Variants in TRDN observed in about 807,000 individuals in gnomAD.
TRDN encodes the protein triadin, also known as triadin in skeletal muscle.
In TRDN, 161 loss-of-function variants were observed where a neutral mutation model predicts 149.7. The observed-to-expected ratio is 1.08, with a 90% CI of 0.95 to 1.23. The LOEUF is 1.23. Among genes scored for constraint, TRDN ranks in the 50% most tolerant of loss-of-function variants. TRDN has a pLI of 0.00. For synonymous variants in TRDN, 294 were observed against 250.5 expected (o/e 1.17, Z -1.64); for missense variants, 896 against 823.5 (o/e 1.09, Z -1.08).
chr6:123,491,332 A>G (rs1316912821), intron 9 of TRDN, among the ~76,000 whole-genome samples: 1 of 152,192 alleles, frequency 6.6e-6, no homozygotes, highest in East Asian at 1.9e-4. Flanking sequence ...TGAAATTGGT[A>G]TCTGCAAGAT....
chr6:123,620,418 T>C (rs568296192), intron 1 of TRDN, among the ~76,000 whole-genome samples: 3 of 152,272 alleles, frequency 2.0e-5, no homozygotes, highest in African/African-American at 7.2e-5. Flanking sequence ...ATAAAACTTA[T>C]TCGGAATTTT....
intron 12 of TRDN, among the ~76,000 whole-genome samples, chr6:123,401,028 G>A (rs9401669): frequency 0.72 from 108,826 of 152,058 alleles, 39,099 homozygotes; most frequent in East Asian, 0.85. Context: ...GTTATTGCGT[G>A]AAAAAGTGAA....
chr6:123,576,319 A>G (rs1782856980), intron 1 of TRDN, among the ~76,000 whole-genome samples: 1 of 152,126 alleles, frequency 6.6e-6, no homozygotes, highest in South Asian at 2.1e-4. Flanking sequence ...AATGTAAACT[A>G]GTCTCTGGAC....
At chr6:123,597,883 T>A (rs1784110265) in intron 1 of TRDN, among the ~76,000 whole-genome samples, 2 of 152,158 alleles carry the variant, frequency 1.3e-5, no homozygotes, top group Non-Finnish European at 2.9e-5. Context: ...TGATTTGTTT[T>A]AATGAGATAA....
chr6:123,368,463 A>G (rs1781198999), intron 19 of TRDN, among the ~76,000 whole-genome samples: 1 of 152,234 alleles, frequency 6.6e-6, no homozygotes, highest in African/African-American at 2.4e-5. Flanking sequence ...TGATATTCAG[A>G]TATCTGGAGT....
chr6:123,595,304 A>G (rs1301354972), intron 1 of TRDN, among the ~76,000 whole-genome samples: 1 of 152,086 alleles, frequency 6.6e-6, no homozygotes, highest in African/African-American at 2.4e-5. Flanking sequence ...TCCCTATGAA[A>G]CAGGATTTTA....
intron 6 of TRDN, among the ~76,000 whole-genome samples, chr6:123,513,204 G>T (rs1054067675): frequency 6.6e-6 from 1 of 152,054 alleles, no homozygotes; most frequent in Non-Finnish European, 1.5e-5. Flanking sequence ...TTGGGATTAT[G>T]GGTAATAGAT....
At chr6:123,472,888 CT>C (rs1777258887) in intron 9 of TRDN, among the ~76,000 whole-genome samples, 1 of 152,166 alleles carries the variant, frequency 6.6e-6, no homozygotes, top group African/African-American at 2.4e-5. Flanking sequence ...AGGGTCCTGT[CT>C]GTTAGAAGGA....
intron 10 of TRDN, among the ~76,000 whole-genome samples, chr6:123,449,687 C>T (rs1390676937): frequency 6.6e-6 from 1 of 152,242 alleles, no homozygotes; most frequent in East Asian, 1.9e-4. Context: ...TTGCTAGAGA[C>T]TTAGACATCC....
At chr6:123,544,604 A>T (rs1447065907) in intron 4 of TRDN, among the ~76,000 whole-genome samples, 3 of 151,860 alleles carry the variant, frequency 2.0e-5, no homozygotes, top group Admixed American at 6.6e-5. Context: ...ACAACAAATA[A>T]TTTTTTCCGA....
chr6:123,383,110 T>A (rs1183670164), intron 14 of TRDN, among the ~76,000 whole-genome samples: 1 of 152,094 alleles, frequency 6.6e-6, no homozygotes, highest in African/African-American at 2.4e-5. Flanking sequence ...ACTAATAGTT[T>A]GCAAGTTAAT....
intron 16 of TRDN, among the ~76,000 whole-genome samples, chr6:123,378,499 TGG>T (rs1491547850): frequency 2.2e-5 from 3 of 135,480 alleles, no homozygotes; most frequent in Non-Finnish European, 3.2e-5. Flanking sequence ...TGTGTGTGTG[TGG>T]AGACAAAGTC....
intron 37 of TRDN, 71 bp from the exon 38 acceptor site, chr6:123,252,506 T>A: frequency 1.3e-6 from 1 of 791,350 alleles, no homozygotes; most frequent in Non-Finnish European, 2.0e-6. Flanking sequence ...TCAGTGGACT[T>A]TATAAAAATA....
chr6:123,302,217 A>C (rs1236331362), intron 24 of TRDN, among the ~76,000 whole-genome samples: 1 of 151,878 alleles, frequency 6.6e-6, no homozygotes, highest in Non-Finnish European at 1.5e-5. Context: ...AGCCAAAGAG[A>C]CTCTGGTGAC....
intron 30 of TRDN, 70 bp downstream of exon 30, chr6:123,271,069 A>G: frequency 8.3e-6 from 6 of 722,500 alleles, no homozygotes; most frequent in Admixed American, 3.2e-5. Flanking sequence ...GTGTGTCTGC[A>G]TGCACACATA....
intron 9 of TRDN, among the ~76,000 whole-genome samples, chr6:123,488,439 T>A (rs11154172): frequency 0.48 from 72,608 of 151,890 alleles, 17,791 homozygotes; most frequent in Admixed American, 0.53. Flanking sequence ...TCCAGTCCAG[T>A]GAGCATTGAC....
At chr6:123,584,834 T>A (rs1783359637) in intron 1 of TRDN, among the ~76,000 whole-genome samples, 1 of 152,138 alleles carries the variant, frequency 6.6e-6, no homozygotes, top group African/African-American at 2.4e-5. Flanking sequence ...GGAGAGTATA[T>A]GGATTTGGAA....
intron 22 of TRDN, among the ~76,000 whole-genome samples, chr6:123,332,592 T>C (rs1041686125): frequency 6.6e-6 from 1 of 152,110 alleles, no homozygotes; most frequent in Non-Finnish European, 1.5e-5. Flanking sequence ...TCAATGTCTT[T>C]AACATCATTA....
chr6:123,628,200 A>G (rs1318279408), intron 1 of TRDN, among the ~76,000 whole-genome samples: 1 of 151,800 alleles, frequency 6.6e-6, no homozygotes, highest in Non-Finnish European at 1.5e-5. Context: ...AAGCTTAATT[A>G]TTTTCAGCTT....
Sources: allele counts gnomAD v4.1 joint callset (sites outside exome capture counted in the v4.1 genomes callset), GRCh38; gene constraint gnomAD v4.1.1; transcripts MANE v1.5; gene names NCBI Gene and HGNC (gene_info 2026-07-23, HGNC 2026-07-21).